CADM2: variants seen among roughly 807,000 people sequenced by gnomAD.
CADM2 encodes the protein immunoglobulin superfamily member 4D.
In CADM2, 12 loss-of-function variants were observed where a neutral mutation model predicts 49.8. The ratio of observed to expected loss-of-function variants is 0.24; its 90% CI spans 0.15 to 0.39. The LOEUF (loss-of-function observed/expected upper bound fraction) is 0.39, where lower values mean the gene tolerates loss of function less well. Among genes scored for constraint, CADM2 ranks in the 10% least tolerant of loss-of-function variants. The pLI, the probability that CADM2 is intolerant of heterozygous loss-of-function variation, is 1.00. For missense variants in CADM2, 378 were observed against 492.3 expected (o/e 0.77, Z 2.20); for synonymous variants, 214 against 175.4 (o/e 1.22, Z -1.74).
chr3:85,950,790 C>T (rs1327588727), intron 7 of CADM2, among the ~76,000 whole-genome samples: 1 of 150,962 alleles, frequency 6.6e-6, no homozygotes, highest in Non-Finnish European at 1.5e-5. Flanking sequence ...GTTATTTTCC[C>T]CTGTAAAGCT....
chr3:86,066,332 CA>C (rs10663610), intron 9 of CADM2, among the ~76,000 whole-genome samples: 136 of 30,348 alleles, frequency 4.5e-3, no homozygotes, highest in Admixed American at 8.9e-3. Flanking sequence ...GACTCCGTCT[CA>C]AAAAAAAAAA....
At chr3:85,465,187 A>T (rs2038436476) in intron 1 of CADM2, among the ~76,000 whole-genome samples, 1 of 152,106 alleles carries the variant, frequency 6.6e-6, no homozygotes, top group East Asian at 1.9e-4. Context: ...ACAAAAACAA[A>T]CAAACAAAAA....
At chr3:85,010,039 T>G (rs2033916255) in intron 1 of CADM2, among the ~76,000 whole-genome samples, 1 of 151,690 alleles carries the variant, frequency 6.6e-6, no homozygotes, top group Admixed American at 6.6e-5. Context: ...TTAGAGTTAC[T>G]TTTTTTTGCA....
At chr3:85,112,068 T>C (rs1284266954) in intron 1 of CADM2, among the ~76,000 whole-genome samples, 1 of 151,906 alleles carries the variant, frequency 6.6e-6, no homozygotes, top group Non-Finnish European at 1.5e-5. Flanking sequence ...TACCAACTTA[T>C]AAAGCATTCC....
intron 1 of CADM2, among the ~76,000 whole-genome samples, chr3:85,429,927 C>G (rs573715371): frequency 1.3e-5 from 2 of 152,158 alleles, no homozygotes; most frequent in East Asian, 3.9e-4. Flanking sequence ...TATCTGGCTC[C>G]TTTTAGAAAA....
At chr3:85,259,368 A>T (rs768125320) in intron 1 of CADM2, among the ~76,000 whole-genome samples, 8 of 150,982 alleles carry the variant, frequency 5.3e-5, no homozygotes, top group Non-Finnish European at 1.0e-4. Flanking sequence ...TTTTTTTCCT[A>T]ATCATTTCTG....
chr3:85,532,094 G>A (rs1439800418), intron 1 of CADM2, among the ~76,000 whole-genome samples: 1 of 152,062 alleles, frequency 6.6e-6, no homozygotes, highest in Non-Finnish European at 1.5e-5. Flanking sequence ...GGAGAATGGC[G>A]TGAACCCAGG....
intron 8 of CADM2, among the ~76,000 whole-genome samples, chr3:85,968,566 A>G (rs1323739582): frequency 6.6e-6 from 1 of 151,602 alleles, no homozygotes; most frequent in Non-Finnish European, 1.5e-5. Context: ...GCCTTCTATC[A>G]CTAAACAATT....
At chr3:85,048,760 A>G (rs1462981070) in intron 1 of CADM2, among the ~76,000 whole-genome samples, 2 of 152,148 alleles carry the variant, frequency 1.3e-5, no homozygotes, top group African/African-American at 4.8e-5. Flanking sequence ...GTTCCATTTG[A>G]GGTAGGTGAT....
rs555924235 is a variant in CADM2, at chr3:85,778,479, C to T, written c.89-23568C>T. On this transcript the variant is annotated intron_variant, in intron 2 of 9. Transcript: ENST00000383699. Reference sequence around the variant, plus strand: ...GGAGCAGTTTCTCCCGTGATGTTCTCGTGATAATGCACGAGATCTGATGGA... The same window carrying T: ...GGAGCAGTTTCTCCCGTGATGTTCTTGTGATAATGCACGAGATCTGATGGA... 3.3e-5 allele frequency among the ~76,000 whole-genome samples: 5 copies of T among 152,098 alleles called. No individual in the cohort carries two copies. The East Asian group carries it at 7.8e-4, about 24-fold the overall frequency.
chr3:85,834,280 A>G (rs757279667), intron 3 of CADM2, among the ~76,000 whole-genome samples: 99 of 151,654 alleles, frequency 6.5e-4, no homozygotes, highest in Non-Finnish European at 3.0e-4. Context: ...CTTAAGAATT[A>G]TAAATCTCGA....
intron 8 of CADM2, among the ~76,000 whole-genome samples, chr3:86,052,343 A>C (rs1200147018): frequency 6.6e-6 from 1 of 152,122 alleles, no homozygotes; most frequent in East Asian, 1.9e-4. Flanking sequence ...GAAAAGTTTT[A>C]AAATTTTACT....
chr3:86,058,334 T>C (rs939052066), intron 8 of CADM2, among the ~76,000 whole-genome samples: 2 of 151,466 alleles, frequency 1.3e-5, no homozygotes, highest in African/African-American at 4.9e-5. Flanking sequence ...CCAACTCTCT[T>C]TTTTTTTTCC....
intron 1 of CADM2, among the ~76,000 whole-genome samples, chr3:85,533,173 G>T (rs1438295359): frequency 1.3e-5 from 2 of 152,156 alleles, no homozygotes; most frequent in African/African-American, 4.8e-5. Flanking sequence ...AAGACAACAT[G>T]AAAATCTCAC....
chr3:85,872,277 T>C (rs960396851), intron 3 of CADM2, among the ~76,000 whole-genome samples: 7 of 152,176 alleles, frequency 4.6e-5, no homozygotes, highest in Non-Finnish European at 1.0e-4. Context: ...TGTTCAGAGC[T>C]TTCTCTCTGG....
chr3:85,165,994 AT>A (rs925397187), intron 1 of CADM2, among the ~76,000 whole-genome samples: 6 of 151,528 alleles, frequency 4.0e-5, no homozygotes, highest in East Asian at 3.9e-4. Context: ...CCACTTTATA[AT>A]TTTTTTTCCC....
chr3:85,733,965 G>C (rs1476464758), intron 2 of CADM2, among the ~76,000 whole-genome samples: 1 of 152,008 alleles, frequency 6.6e-6, no homozygotes, highest in Non-Finnish European at 1.5e-5. Context: ...TTTTGAAACA[G>C]AAAAAAGTCT....
At position 85,198,819 on chromosome 3, in the gene CADM2, T is replaced by C. The variant is rs567239136; in HGVS notation, c.61+239151T>C. On this transcript the variant is annotated intron_variant, in intron 1 of 9. Transcript: ENST00000383699. ...TCTCCAGTTTTTTTATAATTAACAA[T>C]TTATGTTAAAAATGGTGTATTTCCA... Among the ~76,000 whole-genome samples, 12 of 152,030 alleles carry C rather than the reference T, an allele frequency of 7.9e-5. No homozygotes were observed. The South Asian group carries it at 2.5e-3, about 31-fold the overall frequency.
At chr3:85,481,377 A>G (rs753279077) in intron 1 of CADM2, among the ~76,000 whole-genome samples, 2 of 151,628 alleles carry the variant, frequency 1.3e-5, no homozygotes, top group Non-Finnish European at 3.0e-5. Context: ...ACAGACAAGT[A>G]ATTATTTTTA....
Sources: allele counts gnomAD v4.1 joint callset (sites outside exome capture counted in the v4.1 genomes callset), GRCh38; gene constraint gnomAD v4.1.1; transcripts MANE v1.5; gene names NCBI Gene and HGNC (gene_info 2026-07-23, HGNC 2026-07-21).